Variants in TEAD1 observed in about 807,000 individuals in gnomAD.
TEAD1 encodes the protein TEA domain transcription factor 1.
In TEAD1, 9 loss-of-function variants were observed where a neutral mutation model predicts 54.9. The ratio of observed to expected loss-of-function variants is 0.16; its 90% CI spans 0.10 to 0.29. The LOEUF (loss-of-function observed/expected upper bound fraction) is 0.29, where lower values mean the gene tolerates loss of function less well. Among genes scored for constraint, TEAD1 ranks in the 10% least tolerant of loss-of-function variants. TEAD1 has a pLI of 1.00. For missense variants in TEAD1, 387 were observed against 535.9 expected (o/e 0.72, Z 2.74); for synonymous variants, 200 against 187.8 (o/e 1.07, Z -0.53).
At chr11:12,690,137 A>G (rs1943424572) in intron 2 of TEAD1, among the ~76,000 whole-genome samples, 1 of 151,724 alleles carries the variant, frequency 6.6e-6, no homozygotes. Context: ...GCTACTCCCG[A>G]AGCTGAAGGC....
chr11:12,830,384 C>T (rs1946747854), intron 3 of TEAD1, among the ~76,000 whole-genome samples: 1 of 152,098 alleles, frequency 6.6e-6, no homozygotes, highest in Non-Finnish European at 1.5e-5. Flanking sequence ...AAGACTCAAC[C>T]CAAACCTGGC....
chr11:12,742,704 A>G (rs551034349), intron 2 of TEAD1, among the ~76,000 whole-genome samples: 21 of 152,006 alleles, frequency 1.4e-4, no homozygotes, highest in African/African-American at 4.6e-4. Flanking sequence ...ATATACAACT[A>G]TTATTTATCA....
chr11:12,801,416 TAAAG>T (rs1946058187), intron 3 of TEAD1, among the ~76,000 whole-genome samples: 1 of 152,182 alleles, frequency 6.6e-6, no homozygotes, highest in African/African-American at 2.4e-5. Context: ...TACCTCATCT[TAAAG>T]AAAAGTAGTA....
intron 2 of TEAD1, among the ~76,000 whole-genome samples, chr11:12,706,096 A>G (rs1258245860): frequency 6.6e-6 from 1 of 152,230 alleles, no homozygotes; most frequent in Non-Finnish European, 1.5e-5. Context: ...GATATGCAAA[A>G]CAAAATAAAT....
At chr11:12,815,145 C>T (rs1039164536) in intron 3 of TEAD1, among the ~76,000 whole-genome samples, 1 of 152,134 alleles carries the variant, frequency 6.6e-6, no homozygotes, top group Non-Finnish European at 1.5e-5. Flanking sequence ...TCCAGAGCCC[C>T]TGTCCCCAAA....
At position 12,941,082 on chromosome 11, in the gene TEAD1, T is replaced by C. The variant is rs1029147447; in HGVS notation, c.*3860T>C. ...TGCCACTTTGGTCCCTGGCCTCTCC[T>C]GGGGGAGGCTGCTGTTCTTAGGTGC... On this transcript the variant is annotated 3_prime_UTR_variant, in exon 13 of 13. Coordinates refer to ENST00000527636, the MANE Select transcript of TEAD1 (RefSeq NM_021961.6). 6.6e-6 allele frequency: 1 copy of C among 152,298 alleles called. No individual in the cohort carries two copies. The highest frequency in any genetic ancestry group is 1.5e-5 in the Non-Finnish European group (1 of 68,128). The allele number at this position is 152,298 out of a possible 1,614,324, so 9.4% of individuals were successfully genotyped here.
At chr11:12,707,114 CT>C (rs11366620) in intron 2 of TEAD1, among the ~76,000 whole-genome samples, 22,639 of 76,286 alleles carry the variant, frequency 0.3, 1,850 homozygotes, top group South Asian at 0.39. Context: ...ACTTGTGGGA[CT>C]TTTTTTTTTT....
intron 2 of TEAD1, among the ~76,000 whole-genome samples, chr11:12,720,141 A>T (rs537762000): frequency 6.6e-6 from 1 of 151,568 alleles, no homozygotes; most frequent in Non-Finnish European, 1.5e-5. Context: ...AATAATGTCT[A>T]TGGCATATTT....
chr11:12,756,972 G>C (rs558043899), intron 2 of TEAD1, among the ~76,000 whole-genome samples: 8 of 152,262 alleles, frequency 5.3e-5, no homozygotes, highest in African/African-American at 1.7e-4. Flanking sequence ...TTGTTGGAGG[G>C]GAGCTTTTCT....
chr11:12,847,337 CA>C (rs1947175985), intron 3 of TEAD1, among the ~76,000 whole-genome samples: 1 of 152,114 alleles, frequency 6.6e-6, no homozygotes, highest in South Asian at 2.1e-4. Flanking sequence ...CAAAAACAGG[CA>C]GAATGTGGTG....
At chr11:12,779,617 A>T (rs532620498) in intron 3 of TEAD1, among the ~76,000 whole-genome samples, 15 of 152,350 alleles carry the variant, frequency 9.8e-5, no homozygotes, top group Non-Finnish European at 1.9e-4. Flanking sequence ...CCTGACAGCT[A>T]AATCAGACAA....
chr11:12,699,702 C>T (rs370097929), intron 2 of TEAD1, among the ~76,000 whole-genome samples: 2 of 152,292 alleles, frequency 1.3e-5, no homozygotes, highest in East Asian at 3.9e-4. Context: ...TGTAATTGCT[C>T]AGTGTCTAGA....
At chr11:12,864,071 CAA>C (rs35076560) in intron 4 of TEAD1, among the ~76,000 whole-genome samples, 3,432 of 140,210 alleles carry the variant, frequency 0.024, 66 homozygotes, top group African/African-American at 0.062. Flanking sequence ...TTTATAAGGG[CAA>C]AAAAAAAAAA....
chr11:12,933,973 G>C (rs1449541369), intron 12 of TEAD1, among the ~76,000 whole-genome samples: 1 of 152,216 alleles, frequency 6.6e-6, no homozygotes, highest in East Asian at 1.9e-4. Flanking sequence ...GTGGAAGTCA[G>C]TGTGGCGATT....
At chr11:12,688,606 T>C (rs558846509) in intron 2 of TEAD1, among the ~76,000 whole-genome samples, 10 of 152,370 alleles carry the variant, frequency 6.6e-5, no homozygotes, top group African/African-American at 2.4e-4. Context: ...GTGTATTCAG[T>C]AAGGTAGCCG....
At chr11:12,753,167 C>T (rs1944912306) in intron 2 of TEAD1, among the ~76,000 whole-genome samples, 1 of 152,070 alleles carries the variant, frequency 6.6e-6, no homozygotes, top group Non-Finnish European at 1.5e-5. Flanking sequence ...GTTTATATGT[C>T]CTATTGTTAA....
chr11:12,857,804 G>C (rs1405416539), intron 3 of TEAD1, among the ~76,000 whole-genome samples: 1 of 152,070 alleles, frequency 6.6e-6, no homozygotes, highest in Non-Finnish European at 1.5e-5. Context: ...TATACATAGG[G>C]GCCAGTGCGG....
intron 2 of TEAD1, among the ~76,000 whole-genome samples, chr11:12,754,988 G>A (rs536588191): frequency 1.3e-5 from 2 of 152,354 alleles, no homozygotes; most frequent in East Asian, 3.9e-4. Context: ...TTCTGATGCA[G>A]CACAATTAGA....
intron 3 of TEAD1, among the ~76,000 whole-genome samples, chr11:12,836,517 C>T (rs1794070848): frequency 6.6e-6 from 1 of 152,204 alleles, no homozygotes; most frequent in African/African-American, 2.4e-5. Flanking sequence ...TTCCTCCTAA[C>T]CCCAAACTGG....
Sources: allele counts gnomAD v4.1 joint callset (sites outside exome capture counted in the v4.1 genomes callset), GRCh38; gene constraint gnomAD v4.1.1; transcripts MANE v1.5; gene names NCBI Gene and HGNC (gene_info 2026-07-23, HGNC 2026-07-21).